Variants in CUEDC1 observed in about 807,000 individuals in gnomAD.
CUEDC1 encodes CUE domain-containing protein 1.
CUEDC1 carries 30 observed loss-of-function variants against 43.7 expected under a neutral mutation model. The ratio of observed to expected loss-of-function variants is 0.69; its 90% confidence interval spans 0.51 to 0.93. CUEDC1 has a LOEUF of 0.93. Among genes scored for constraint, CUEDC1 ranks in the 40% least tolerant of loss-of-function variants. The probability of loss-of-function intolerance (pLI) is 0.00; values close to 1 mark genes in which losing one functional copy is unlikely to be tolerated. For missense variants in CUEDC1, 486 were observed against 549.0 expected, an observed-to-expected ratio of 0.89 and a Z score of 1.15; for synonymous variants, 223 against 223.6, an observed-to-expected ratio of 1.00 and a Z score of 0.02.
At chr17:57,896,771 T>A (rs189693441) in intron 1 of CUEDC1, among the ~76,000 whole-genome samples, 3 of 139,140 alleles carry the variant, frequency 2.2e-5, no homozygotes, top group African/African-American at 8.1e-5. Context: ...TTCTTTCTTT[T>A]TTTTTTTTTT....
In CUEDC1 at chr17:57,897,567, G is replaced by T. The variant is rs148619210; in HGVS notation, c.-315-11688C>A. 2.9e-3 allele frequency among the ~76,000 whole-genome samples: 446 copies of T among 151,910 alleles called. 11 individuals are homozygous for T. The East Asian group carries it at 0.049, about 17-fold the overall frequency. ...CACCTGTAGTCCCAGCTACTCGTGA[G>T]GCTGAGGCAGGAGAATGGTGTGAAC... is the stretch of plus-strand genomic sequence containing the variant. On this transcript the variant is annotated intron_variant, in intron 1 of 10. Transcript: ENST00000577830.
intron 1 of CUEDC1, among the ~76,000 whole-genome samples, chr17:57,943,526 C>T (rs1054553486): frequency 6.6e-6 from 1 of 152,222 alleles, no homozygotes; most frequent in Non-Finnish European, 1.5e-5. Context: ...GAACCCCACC[C>T]TTCACCTTTC....
intron 3 of CUEDC1, among the ~76,000 whole-genome samples, chr17:57,876,597 C>A (rs759090214): frequency 6.6e-6 from 1 of 152,244 alleles, no homozygotes; most frequent in South Asian, 2.1e-4. Flanking sequence ...TCATCATACA[C>A]ATGGCTCAGC....
Position 57,916,756 on chromosome 17 carries a change from C to T in CUEDC1, c.-315-30877G>A, listed in dbSNP as rs186848309. Among the ~76,000 whole-genome samples the T allele has an allele frequency of 2.2e-3, 342 of 152,310 alleles. 2 individuals carry two copies. Among genetic ancestry groups the T allele is most frequent in the Non-Finnish European group, 3.9e-3 (266 of 68,028 alleles). Reference sequence around the variant, plus strand: ...TCGAGAACCAGTCCAAGCAAAAACTCCCAGACGGAAATCCACAGTGAGCAC... The same window carrying T: ...TCGAGAACCAGTCCAAGCAAAAACTTCCAGACGGAAATCCACAGTGAGCAC... On this transcript the variant is annotated intron_variant, in intron 1 of 10. Transcript: ENST00000577830.
chr17:57,932,281 C>CAAAAAAAAAGAA (rs2074812734), intron 1 of CUEDC1, among the ~76,000 whole-genome samples: 1 of 121,946 alleles, frequency 8.2e-6, no homozygotes, highest in African/African-American at 4.5e-5. Flanking sequence ...CACTGTGTCT[C>CAAAAAAAAAGAA]AAAAAAAAAA....
rs1279043098 is a variant in CUEDC1, at chr17:57,885,628, C to A, written c.-64G>T. ...GCAAAGCCCCTTCCCCAGGGTCTTT[C>A]CGCCGTCAGCCGCTTACTTGCCCTG... On this transcript the variant is annotated 5_prime_UTR_variant, in exon 2 of 11. Coordinates refer to ENST00000577830, the MANE Select transcript of CUEDC1 (RefSeq NM_001271875.2). 283 of 1,334,358 alleles carry A rather than the reference C, an allele frequency of 2.1e-4. No individual in the cohort carries two copies. Among genetic ancestry groups the A allele is most frequent in the Non-Finnish European group, 2.5e-4 (261 of 1,048,480 alleles). 82.7% of individuals were successfully genotyped at this position (1,334,358 alleles called of 1,614,324 possible).
intron 5 of CUEDC1, 121 bp from the exon 6 acceptor site, chr17:57,871,490 C>T (rs949501328): frequency 4.1e-6 from 3 of 725,868 alleles, no homozygotes; most frequent in African/African-American, 3.5e-5. Flanking sequence ...TGAGCACACA[C>T]GGGCACCCAA....
chr17:57,885,253 G>T lies in CUEDC1; in HGVS notation c.312C>A (p.Asp104Glu). Residue 104 changes from aspartate (D) to glutamate (E), a missense_variant, in exon 2 of 11, where the codon GAC becomes GAA. Physicochemically the swap from Asp to Glu is conservative, Grantham distance 45. Transcript: ENST00000577830. ...SSGGVYEDSS[D>E]SEDSIPPEIL... ...CCTCCGGGGGGATGCTGTCCTCCGA[G>T]TCGGAGCTGTCCTCATAGACGCCGC... is the stretch of plus-strand genomic sequence containing the variant. The T allele has an allele frequency of 3.8e-6, 6 of 1,591,546 alleles. No individual in the cohort carries two copies. Among genetic ancestry groups the T allele is most frequent in the Non-Finnish European group, 5.1e-6 (6 of 1,167,012 alleles).
chr17:57,879,862 G>T, intron 2 of CUEDC1, 124 bp from the exon 3 acceptor site: 1 of 982,956 alleles, frequency 1.0e-6, no homozygotes, highest in Non-Finnish European at 1.5e-6. Flanking sequence ...GCTAGTGGGA[G>T]TGTAAATCGA....
At chr17:57,908,051 G>A (rs1294120287) in intron 1 of CUEDC1, among the ~76,000 whole-genome samples, 1 of 151,926 alleles carries the variant, frequency 6.6e-6, no homozygotes, top group African/African-American at 2.4e-5. Context: ...CCACGGGCCA[G>A]CCACCAGGCA....
chr17:57,950,085 C>T (rs2074991851), intron 1 of CUEDC1, among the ~76,000 whole-genome samples: 1 of 152,236 alleles, frequency 6.6e-6, no homozygotes, highest in South Asian at 2.1e-4. Flanking sequence ...TCCGACCCCT[C>T]TGTGAGTGCT....
At chr17:57,946,488 A>G (rs73315821) in intron 1 of CUEDC1, among the ~76,000 whole-genome samples, 9,237 of 152,144 alleles carry the variant, frequency 0.061, 433 homozygotes, top group African/African-American at 0.13. Flanking sequence ...GAAGTTCTCA[A>G]AGGATCCACC....
At chr17:57,881,177 TAC>T (rs148985762) in intron 2 of CUEDC1, among the ~76,000 whole-genome samples, 3,175 of 152,230 alleles carry the variant, frequency 0.021, 98 homozygotes, top group African/African-American at 0.071. Flanking sequence ...TGAGCACACA[TAC>T]ACACACACGC....
chr17:57,923,000 G>T (rs953878035), intron 1 of CUEDC1, among the ~76,000 whole-genome samples: 2 of 151,028 alleles, frequency 1.3e-5, no homozygotes, highest in African/African-American at 2.4e-5. Context: ...CTCATTTTTT[G>T]ATTTTTTATA....
Position 57,955,305 on chromosome 17 carries a change from C to T in CUEDC1, c.-396G>A, listed in dbSNP as rs1420757847. 1 of 147,698 alleles carries T rather than the reference C, an allele frequency of 6.8e-6. No individual in the cohort carries two copies. Among genetic ancestry groups the T allele is most frequent in the Non-Finnish European group, 1.5e-5 (1 of 66,134 alleles). 9.1% of individuals were successfully genotyped at this position (147,698 alleles called of 1,614,324 possible). On this transcript the variant is annotated 5_prime_UTR_variant, in exon 1 of 11. Coordinates refer to ENST00000577830, the MANE Select transcript of CUEDC1 (RefSeq NM_001271875.2). This position sits in a 1 kb window ranked among gnomAD's most constrained non-coding sequence, Gnocchi z 5.3. ...CGGGCGGGGGAGGGGCTGCAATCCG[C>T]AGCGGTGGCGGCGGGGCCAGGCTCG...
chr17:57,937,862 G>A (rs753262673), intron 1 of CUEDC1, among the ~76,000 whole-genome samples: 11 of 152,124 alleles, frequency 7.2e-5, no homozygotes, highest in South Asian at 2.1e-4. Context: ...AGCTGTGATG[G>A]TGCTACTGCA....
At chr17:57,867,438 C>T (rs1026957068) in intron 8 of CUEDC1, 23 bp from the exon 9 acceptor site, 52 of 1,550,848 alleles carry the variant, frequency 3.4e-5, no homozygotes, top group Non-Finnish European at 4.3e-5. Flanking sequence ...TCAGGAAAAC[C>T]GTCCCAGGGA....
intron 1 of CUEDC1, among the ~76,000 whole-genome samples, chr17:57,937,411 G>T (rs1482797662): frequency 6.6e-6 from 1 of 151,956 alleles, no homozygotes; most frequent in African/African-American, 2.4e-5. Context: ...AGGGGTTCAA[G>T]ACCAGCCTGG....
At chr17:57,886,112 C>G (rs2074287871) in intron 1 of CUEDC1, among the ~76,000 whole-genome samples, 1 of 152,200 alleles carries the variant, frequency 6.6e-6, no homozygotes, top group South Asian at 2.1e-4. Flanking sequence ...CAGGTGCCAT[C>G]CTAAGTGCTC....
Sources: allele counts gnomAD v4.1 joint callset (sites outside exome capture counted in the v4.1 genomes callset), GRCh38; gene constraint gnomAD v4.1.1; non-coding constraint Gnocchi (gnomAD v3.1); transcripts MANE v1.5; gene names NCBI Gene and HGNC (gene_info 2026-07-23, HGNC 2026-07-21).